Variants in SETBP1 observed in about 807,000 individuals in gnomAD.
SETBP1 encodes the protein SET-binding protein.
In SETBP1, 9 loss-of-function variants were observed where a neutral mutation model predicts 101.0. That is an observed-to-expected ratio of 0.09 (90% CI 0.05 to 0.16). SETBP1 has a LOEUF of 0.16. Among genes scored for constraint, SETBP1 ranks in the 10% least tolerant of loss-of-function variants. The pLI, the probability that SETBP1 is intolerant of heterozygous loss-of-function variation, is 1.00. For missense variants in SETBP1, 1,858 were observed against 2,033.8 expected (o/e 0.91, Z 1.66); for synonymous variants, 818 against 788.5 (o/e 1.04, Z -0.63).
chr18:44,974,376 G>A (rs2071938809), intron 4 of SETBP1, among the ~76,000 whole-genome samples: 1 of 152,188 alleles, frequency 6.6e-6, no homozygotes, highest in Non-Finnish European at 1.5e-5. Flanking sequence ...AGGTAGCTAA[G>A]TAAGTTTGGC....
At chr18:44,842,424 A>G (rs1464575807) in intron 2 of SETBP1, among the ~76,000 whole-genome samples, 2 of 152,234 alleles carry the variant, frequency 1.3e-5, no homozygotes, top group Non-Finnish European at 2.9e-5. Context: ...TTGAAACAGG[A>G]AAGCCCTATA....
chr18:44,931,189 A>G (rs2070825378), intron 3 of SETBP1, among the ~76,000 whole-genome samples: 2 of 152,154 alleles, frequency 1.3e-5, no homozygotes, highest in Middle Eastern at 3.4e-3. Context: ...CCTTCATTTC[A>G]TTATGTACCC....
chr18:44,748,297 A>G (rs952903390), intron 2 of SETBP1, among the ~76,000 whole-genome samples: 2 of 152,262 alleles, frequency 1.3e-5, no homozygotes, highest in Non-Finnish European at 1.5e-5. Flanking sequence ...GAGTTAGTAT[A>G]AAAGATGATC....
chr18:44,785,267 G>A (rs2071215783), intron 2 of SETBP1, among the ~76,000 whole-genome samples: 1 of 152,094 alleles, frequency 6.6e-6, no homozygotes, highest in Non-Finnish European at 1.5e-5. Flanking sequence ...GGGTTTTATG[G>A]GTGAAACTGT....
At chr18:44,912,471 G>C (rs1331434823) in intron 3 of SETBP1, among the ~76,000 whole-genome samples, 2 of 152,082 alleles carry the variant, frequency 1.3e-5, no homozygotes, top group Non-Finnish European at 2.9e-5. Flanking sequence ...CATATTTTAA[G>C]GAAACTTTTT....
intron 4 of SETBP1, among the ~76,000 whole-genome samples, chr18:44,956,407 T>G (rs1355276993): frequency 6.6e-6 from 1 of 152,104 alleles, no homozygotes; most frequent in Non-Finnish European, 1.5e-5. Flanking sequence ...GAGATGAAGC[T>G]GAGCTTACTA....
At chr18:45,045,220 G>C (rs576820936) in intron 5 of SETBP1, among the ~76,000 whole-genome samples, 4 of 152,140 alleles carry the variant, frequency 2.6e-5, no homozygotes, top group Admixed American at 2.6e-4. Flanking sequence ...TCAGGAGTTC[G>C]AGACCAGACT....
chr18:44,947,318 GA>G (rs894386368), intron 3 of SETBP1, among the ~76,000 whole-genome samples: 4 of 151,778 alleles, frequency 2.6e-5, no homozygotes, highest in Non-Finnish European at 5.9e-5. Flanking sequence ...GAACAGCAGA[GA>G]AAAAAACGGT....
intron 3 of SETBP1, among the ~76,000 whole-genome samples, chr18:44,910,094 G>T (rs890199304): frequency 1.3e-5 from 2 of 152,204 alleles, no homozygotes; most frequent in Non-Finnish European, 2.9e-5. Context: ...GCTGAGAACT[G>T]CCCGCCGTCT....
chr18:45,028,825 G>T (rs888612720), intron 4 of SETBP1, among the ~76,000 whole-genome samples: 1 of 152,162 alleles, frequency 6.6e-6, no homozygotes, highest in Non-Finnish European at 1.5e-5. Flanking sequence ...AGAAGTGTCT[G>T]TTCATGTCCT....
chr18:44,773,754 A>C (rs985652893), intron 2 of SETBP1, among the ~76,000 whole-genome samples: 3 of 151,324 alleles, frequency 2.0e-5, no homozygotes, highest in African/African-American at 7.3e-5. Flanking sequence ...TGATAAAAGT[A>C]GGTTCATACC....
At chr18:44,700,953 A>C (rs1226423731) in intron 1 of SETBP1, among the ~76,000 whole-genome samples, 1 of 152,198 alleles carries the variant, frequency 6.6e-6, no homozygotes. Flanking sequence ...TACAGCTATA[A>C]AATTAATAGC....
intron 2 of SETBP1, among the ~76,000 whole-genome samples, chr18:44,787,271 G>A (rs2071258557): frequency 6.6e-6 from 1 of 152,134 alleles, no homozygotes; most frequent in Non-Finnish European, 1.5e-5. Flanking sequence ...GTAATTGAAA[G>A]GATATTTCAT....
intron 2 of SETBP1, among the ~76,000 whole-genome samples, chr18:44,704,600 A>G (rs1042920608): frequency 1.3e-5 from 2 of 152,212 alleles, no homozygotes; most frequent in Non-Finnish European, 2.9e-5. Flanking sequence ...ACATCCTCTG[A>G]TCTCTATGGG....
intron 3 of SETBP1, among the ~76,000 whole-genome samples, chr18:44,899,576 C>T (rs1378948934): frequency 6.6e-6 from 1 of 152,194 alleles, no homozygotes. Context: ...GCATTCCACG[C>T]TGGCAGTAAT....
chr18:44,797,006 A>G (rs915696846), intron 2 of SETBP1, among the ~76,000 whole-genome samples: 9 of 152,136 alleles, frequency 5.9e-5, no homozygotes, highest in African/African-American at 1.7e-4. Context: ...CACTTGCTCA[A>G]TATTGTTCTC....
chr18:44,997,765 A>C (rs528681611), intron 4 of SETBP1, among the ~76,000 whole-genome samples: 2 of 152,204 alleles, frequency 1.3e-5, no homozygotes, highest in Admixed American at 1.3e-4. Context: ...ATTAATTAGG[A>C]TCATAAGCCA....
At chr18:44,990,681 G>T (rs1233641733) in intron 4 of SETBP1, among the ~76,000 whole-genome samples, 3 of 149,562 alleles carry the variant, frequency 2.0e-5, no homozygotes, top group Non-Finnish European at 4.4e-5. Context: ...ACACACGTTG[G>T]CTCTACAAAA....
At chr18:44,840,539 C>T (rs1370606974) in intron 2 of SETBP1, among the ~76,000 whole-genome samples, 3 of 152,220 alleles carry the variant, frequency 2.0e-5, no homozygotes, top group African/African-American at 7.2e-5. Context: ...ATGGTAATGA[C>T]ATTTTACATC....
Sources: gnomAD v4.1 joint callset for allele counts (sites outside exome capture counted in the v4.1 genomes callset) on GRCh38, gnomAD v4.1.1 for gene constraint, MANE v1.5 for transcripts, NCBI Gene and HGNC (gene_info 2026-07-23, HGNC 2026-07-21) for gene names.